Variants in FAM210A observed in about 807,000 individuals in gnomAD.
FAM210A encodes the protein family with sequence similarity 210 member A.
A neutral mutation model predicts 25.3 loss-of-function variants in FAM210A; 13 were observed. The ratio of observed to expected loss-of-function variants is 0.51; its 90% CI spans 0.33 to 0.82. The LOEUF (loss-of-function observed/expected upper bound fraction) is 0.82. Ranked by LOEUF, FAM210A falls within the 40% of genes least tolerant of loss-of-function variation. FAM210A has a pLI of 0.02. For synonymous variants in FAM210A, 125 were observed against 118.7 expected (o/e 1.05, Z -0.35); for missense variants, 319 against 323.2 (o/e 0.99, Z 0.10).
At chr18:13,699,483 T>C (rs1490861940) in intron 1 of FAM210A, among the ~76,000 whole-genome samples, 1 of 152,180 alleles carries the variant, frequency 6.6e-6, no homozygotes, top group Non-Finnish European at 1.5e-5. Context: ...TAAAAAAAAA[T>C]CAATGATTTT....
intron 2 of FAM210A, among the ~76,000 whole-genome samples, chr18:13,672,460 G>A (rs1410282018): frequency 6.6e-6 from 1 of 152,178 alleles, no homozygotes; most frequent in Non-Finnish European, 1.5e-5. Context: ...CCAGGCTGGA[G>A]TGCAGTGGCG....
At chr18:13,717,898 G>A (rs117433438) in intron 1 of FAM210A, among the ~76,000 whole-genome samples, 2,719 of 152,260 alleles carry the variant, frequency 0.018, 31 homozygotes, top group Middle Eastern at 0.061. Context: ...ACAAGGTACC[G>A]TATGATGAAC....
At chr18:13,721,550 T>A (rs1039703387) in intron 1 of FAM210A, among the ~76,000 whole-genome samples, 15 of 152,226 alleles carry the variant, frequency 9.9e-5, no homozygotes, top group Admixed American at 2.6e-4. Flanking sequence ...TTACTATTAT[T>A]CCAGGAAGAG....
intron 1 of FAM210A, among the ~76,000 whole-genome samples, chr18:13,711,790 C>T (rs1237197506): frequency 6.6e-6 from 1 of 152,164 alleles, no homozygotes; most frequent in African/African-American, 2.4e-5. Flanking sequence ...CAGCATCCAC[C>T]TGGATTGCTC....
chr18:13,692,879 C>G (rs936250265), intron 1 of FAM210A, among the ~76,000 whole-genome samples: 2 of 151,902 alleles, frequency 1.3e-5, no homozygotes, highest in African/African-American at 4.8e-5. Context: ...TAGCAGAAGG[C>G]AAGAAATAAC....
chr18:13,722,306 C>T (rs533336946), intron 1 of FAM210A, among the ~76,000 whole-genome samples: 15 of 151,426 alleles, frequency 9.9e-5, no homozygotes, highest in Non-Finnish European at 1.6e-4. Context: ...CATCCTAGAT[C>T]CAACCATCCC....
intron 1 of FAM210A, among the ~76,000 whole-genome samples, chr18:13,706,692 A>G (rs1478562986): frequency 6.6e-6 from 1 of 152,260 alleles, no homozygotes; most frequent in Admixed American, 6.5e-5. Context: ...AGCAGTTTCT[A>G]CTGTAAAGGC....
At chr18:13,669,606 G>A (rs1275156683) in intron 3 of FAM210A, among the ~76,000 whole-genome samples, 1 of 152,100 alleles carries the variant, frequency 6.6e-6, no homozygotes, top group African/African-American at 2.4e-5. Flanking sequence ...TTTCTTAGCA[G>A]TTACCATCAT....
intron 1 of FAM210A, among the ~76,000 whole-genome samples, chr18:13,706,614 G>A (rs2043779982): frequency 6.6e-6 from 1 of 152,150 alleles, no homozygotes; most frequent in Non-Finnish European, 1.5e-5. Context: ...TGTTTGTTAG[G>A]TCCTTTTTTC....
At chr18:13,703,835 A>C (rs1313323539) in intron 1 of FAM210A, among the ~76,000 whole-genome samples, 1 of 152,254 alleles carries the variant, frequency 6.6e-6, no homozygotes, top group African/African-American at 2.4e-5. Context: ...TTGGGAAATA[A>C]AAACAGCTTG....
At chr18:13,692,545 A>T (rs2043655480) in intron 1 of FAM210A, among the ~76,000 whole-genome samples, 1 of 152,232 alleles carries the variant, frequency 6.6e-6, no homozygotes, top group African/African-American at 2.4e-5. Context: ...AGAAATTATA[A>T]CAAACTGTCT....
At chr18:13,680,544 T>C (rs2043544000) in intron 2 of FAM210A, among the ~76,000 whole-genome samples, 2 of 152,340 alleles carry the variant, frequency 1.3e-5, no homozygotes, top group South Asian at 4.1e-4. Flanking sequence ...AAATAGGTAG[T>C]TTCTATTCCA....
chr18:13,692,852 C>G (rs924821938), intron 1 of FAM210A, among the ~76,000 whole-genome samples: 2 of 152,156 alleles, frequency 1.3e-5, no homozygotes, highest in African/African-American at 2.4e-5. Flanking sequence ...GAAGCAAGAG[C>G]AAACACATTC....
In FAM210A at chr18:13,664,348, G is replaced by T. The variant is rs1387416452; in HGVS notation, c.*2132C>A. 6.6e-6 allele frequency: 1 copy of T among 151,940 alleles called. No individual in the cohort carries two copies. Among genetic ancestry groups the T allele is most frequent in the African/African-American group, 2.4e-5 (1 of 41,308 alleles). The allele number at this position is 151,940 out of a possible 1,614,324, so 9.4% of individuals were successfully genotyped here. Reference sequence around the variant, plus strand: ...TAAGAACCTCCAATTTATCCCCACTGGAAAATATGCAACATGAAAAGTAAA... The same window carrying T: ...TAAGAACCTCCAATTTATCCCCACTTGAAAATATGCAACATGAAAAGTAAA... On this transcript the variant is annotated 3_prime_UTR_variant, in exon 4 of 4. Coordinates refer to ENST00000651643, the MANE Select transcript of FAM210A (RefSeq NM_152352.4).
In FAM210A at chr18:13,681,638, A is replaced by C. The variant is rs1288358830; in HGVS notation, c.440T>G (p.Val147Gly). The change falls in exon 2 of 4, where the codon GTT becomes GGT. Residue 147 changes from valine to glycine, a missense_variant. Coordinates refer to ENST00000651643, the MANE Select transcript of FAM210A (RefSeq NM_152352.4). ...LIPVHLITSGVWFGTFYYAAL... is the reference protein window; with the variant it reads ...LIPVHLITSGGWFGTFYYAAL... Reference sequence around the variant, plus strand: ...TGCATAATAAAATGTTCCAAACCAAACACCAGAAGTTATTAGATGCACTGG... The same window carrying C: ...TGCATAATAAAATGTTCCAAACCAACCACCAGAAGTTATTAGATGCACTGG... 6.2e-7 allele frequency: 1 copy of C among 1,608,182 alleles called. No homozygotes were observed. Among genetic ancestry groups the C allele is most frequent in the African/African-American group, 1.3e-5 (1 of 74,580 alleles).
At chr18:13,684,913 C>T (rs974717915) in intron 1 of FAM210A, among the ~76,000 whole-genome samples, 4 of 151,878 alleles carry the variant, frequency 2.6e-5, no homozygotes, top group Non-Finnish European at 4.4e-5. Context: ...GCCGGGAACT[C>T]CCCCCACTCC....
chr18:13,676,974 A>T (rs117544863), intron 2 of FAM210A, among the ~76,000 whole-genome samples: 2,710 of 152,214 alleles, frequency 0.018, 31 homozygotes, highest in Middle Eastern at 0.061. Context: ...GCAGACACTG[A>T]GTTAAAGAAG....
chr18:13,669,786 C>G (rs568469864), intron 3 of FAM210A, among the ~76,000 whole-genome samples: 1 of 152,276 alleles, frequency 6.6e-6, no homozygotes, highest in African/African-American at 2.4e-5. Flanking sequence ...CAGAGGATGA[C>G]TAAAACTCTG....
At chr18:13,674,719 T>A (rs1466626627) in intron 2 of FAM210A, among the ~76,000 whole-genome samples, 3 of 18,676 alleles carry the variant, frequency 1.6e-4, no homozygotes, top group Admixed American at 6.4e-4. Flanking sequence ...AGCCCTAGCT[T>A]CTTGATTTCC....
Sources: gnomAD v4.1 joint callset for allele counts (sites outside exome capture counted in the v4.1 genomes callset) on GRCh38, gnomAD v4.1.1 for gene constraint, MANE v1.5 for transcripts, NCBI Gene and HGNC (gene_info 2026-07-23, HGNC 2026-07-21) for gene names.